Variants in RTL4 observed in about 807,000 individuals in gnomAD.
RTL4 encodes the protein retrotransposon Gag like 4.
A neutral mutation model predicts 5.3 loss-of-function variants in RTL4; 4 were observed. That is an observed-to-expected ratio of 0.75 (90% CI 0.37 to 1.72). RTL4 has a LOEUF of 1.72. Among genes scored for constraint, RTL4 ranks in the 40% most tolerant of loss-of-function variants. RTL4 has a pLI of 0.04. For synonymous variants in RTL4, 98 were observed against 87.3 expected, an observed-to-expected ratio of 1.12 and a Z score of -0.68; for missense variants, 260 against 227.1, an observed-to-expected ratio of 1.14 and a Z score of -0.93.
At chrX:112,092,594 A>G in the RTL4 span, among the ~76,000 whole-genome samples, 2 of 111,552 alleles carry the variant, frequency 1.8e-5, no homozygotes, top group African/African-American at 6.5e-5. Context: ...TCATCAGATG[A>G]TATGATTTGG....
chrX:112,379,282 T>C, the RTL4 span, among the ~76,000 whole-genome samples: 1 of 111,908 alleles, frequency 8.9e-6, no homozygotes, highest in Non-Finnish European at 1.9e-5. Flanking sequence ...ACACTCTAAA[T>C]CAATGACCAC....
chrX:112,391,523 C>T, the RTL4 span, among the ~76,000 whole-genome samples: 6 of 109,647 alleles, frequency 5.5e-5, no homozygotes, highest in South Asian at 3.9e-4. Flanking sequence ...CAAGGCTTTG[C>T]GTAGGATCTT....
chrX:112,176,796 T>A, the RTL4 span, among the ~76,000 whole-genome samples: 2 of 111,289 alleles, frequency 1.8e-5, no homozygotes, highest in African/African-American at 3.3e-5. Context: ...TGGTTTTTTT[T>A]ACTCATTATC....
At chrX:112,435,764 A>T in the RTL4 span, among the ~76,000 whole-genome samples, 1 of 112,443 alleles carries the variant, frequency 8.9e-6, no homozygotes, top group African/African-American at 3.2e-5. Context: ...AAAACTTTTA[A>T]AATTTGTTTT....
At chrX:112,116,324 TGAA>T in the RTL4 span, among the ~76,000 whole-genome samples, 1 of 111,030 alleles carries the variant, frequency 9.0e-6, no homozygotes, top group Non-Finnish European at 1.9e-5. Context: ...ACTTCAAGAG[TGAA>T]GCTGTGGACC....
chrX:112,381,932 A>C, the RTL4 span: 3 of 1,208,286 alleles, frequency 2.5e-6, no homozygotes, highest in South Asian at 5.3e-5. Context: ...CCAGGCCTTG[A>C]AGTTGGCAGC....
chrX:112,340,141 T>C, the RTL4 span, among the ~76,000 whole-genome samples: 46 of 112,481 alleles, frequency 4.1e-4, no homozygotes, highest in African/African-American at 1.5e-3. Flanking sequence ...AAATATTAAA[T>C]AGTTGTAGTT....
chrX:112,148,217 G>A, the RTL4 span, among the ~76,000 whole-genome samples: 1 of 108,217 alleles, frequency 9.2e-6, no homozygotes, highest in Non-Finnish European at 1.9e-5. Context: ...AACTTGCTCT[G>A]TACAGTGATG....
chrX:112,426,403 C>T, the RTL4 span, among the ~76,000 whole-genome samples: 1 of 111,478 alleles, frequency 9.0e-6, no homozygotes, highest in Non-Finnish European at 1.9e-5. Flanking sequence ...TGATGATAGC[C>T]ACTAAACAGC....
the RTL4 span, among the ~76,000 whole-genome samples, chrX:112,404,063 C>G: frequency 9.0e-6 from 1 of 111,182 alleles, no homozygotes; most frequent in Non-Finnish European, 1.9e-5. Context: ...CCCCCCATTT[C>G]TCCCTTCTGA....
At chrX:112,304,885 TC>T in the RTL4 span, among the ~76,000 whole-genome samples, 1 of 106,578 alleles carries the variant, frequency 9.4e-6, no homozygotes, top group Non-Finnish European at 1.9e-5. Flanking sequence ...TTTCCTCTTT[TC>T]CTTTCCACAT....
the RTL4 span, among the ~76,000 whole-genome samples, chrX:112,442,678 C>T: frequency 2.7e-5 from 3 of 111,921 alleles, no homozygotes; most frequent in Admixed American, 2.8e-4. Context: ...TGTTTTGACA[C>T]CCCAAGTGCC....
At chrX:112,152,105 A>T in the RTL4 span, among the ~76,000 whole-genome samples, 3 of 111,591 alleles carry the variant, frequency 2.7e-5, no homozygotes, top group Non-Finnish European at 5.7e-5. Flanking sequence ...AAATGTTGAA[A>T]TGAGAGGGCT....
chrX:112,324,147 C>T, the RTL4 span, among the ~76,000 whole-genome samples: 1 of 112,234 alleles, frequency 8.9e-6, no homozygotes, highest in Non-Finnish European at 1.9e-5. Context: ...ATGGATTTGG[C>T]TATTCTGGAC....
the RTL4 span, among the ~76,000 whole-genome samples, chrX:112,205,576 AGT>A: frequency 3.6e-5 from 4 of 110,949 alleles, no homozygotes; most frequent in East Asian, 1.1e-3. Context: ...TGGATTTTAG[AGT>A]GTGTGTTCAC....
At chrX:112,227,580 T>C in the RTL4 span, among the ~76,000 whole-genome samples, 1,976 of 111,793 alleles carry the variant, frequency 0.018, 44 homozygotes, top group African/African-American at 0.062. Flanking sequence ...GTGTCTAAAG[T>C]CTTTCCAGAA....
chrX:112,256,004 A>G, the RTL4 span, among the ~76,000 whole-genome samples: 1 of 112,084 alleles, frequency 8.9e-6, no homozygotes, highest in Non-Finnish European at 1.9e-5. Context: ...CAACCATGTC[A>G]TATAATTGTT....
chrX:112,453,333 T>C (rs748696766), upstream of RTL4, among the ~76,000 whole-genome samples: 11 of 112,141 alleles, frequency 9.8e-5, no homozygotes, highest in Non-Finnish European at 1.9e-4. Context: ...ATGAGAGGAA[T>C]TGAAGTGCAG....
At chrX:112,454,616 G>T in exon 1 of RTL4, 1 of 690,439 alleles carries the variant, frequency 1.4e-6, no homozygotes, top group Non-Finnish European at 2.1e-6. Context: ...TAACAGCTTT[G>T]GCTACTTGCT....
Sources: allele counts gnomAD v4.1 joint callset (sites outside exome capture counted in the v4.1 genomes callset), GRCh38; gene constraint gnomAD v4.1.1; transcripts MANE v1.5; gene names NCBI Gene and HGNC (gene_info 2026-07-23, HGNC 2026-07-21).